The following GRID1 variants were observed in gnomAD, a reference collection of about 807,000 sequenced individuals.
GRID1 encodes the protein glutamate receptor ionotropic, delta-1.
GRID1 carries 28 observed loss-of-function variants against 98.0 expected under a neutral mutation model. The ratio of observed to expected loss-of-function variants is 0.29; its 90% CI spans 0.21 to 0.39. The LOEUF is 0.39. Ranked by LOEUF, GRID1 falls within the 10% of genes least tolerant of loss-of-function variation. The pLI is 1.00. For missense variants in GRID1, 1,111 were observed against 1,340.5 expected, an observed-to-expected ratio of 0.83 and a Z score of 2.67; for synonymous variants, 553 against 538.5, an observed-to-expected ratio of 1.03 and a Z score of -0.37.
intron 3 of GRID1, among the ~76,000 whole-genome samples, chr10:86,179,861 T>TCC (rs964869749): frequency 6.6e-6 from 1 of 152,036 alleles, no homozygotes; most frequent in Admixed American, 6.6e-5. Flanking sequence ...AAGCCCATCT[T>TCC]CCCCCGTAAA....
At chr10:85,827,310 C>T (rs1842828705) in intron 8 of GRID1, among the ~76,000 whole-genome samples, 1 of 152,030 alleles carries the variant, frequency 6.6e-6, no homozygotes. Context: ...CTAAAAAACT[C>T]ACTTTGAGAA....
chr10:85,786,163 A>T (rs918142185), intron 8 of GRID1, among the ~76,000 whole-genome samples: 8 of 152,230 alleles, frequency 5.3e-5, no homozygotes, highest in Non-Finnish European at 1.5e-5. Flanking sequence ...TTACAGAGGC[A>T]GTGAGACCTG....
chr10:85,603,692 ATGAGCTTCCCGG>A (rs1309868709), intron 15 of GRID1, among the ~76,000 whole-genome samples: 7 of 152,290 alleles, frequency 4.6e-5, no homozygotes, highest in African/African-American at 1.7e-4. Flanking sequence ...GAGGAGCCAT[ATGAGCTTCCCGG>A]TGAGGTTGAG....
intron 2 of GRID1, among the ~76,000 whole-genome samples, chr10:86,351,037 C>T (rs1848454935): frequency 6.6e-6 from 1 of 152,208 alleles, no homozygotes; most frequent in African/African-American, 2.4e-5. Context: ...TGAGAACATG[C>T]AGATGCCTCT....
At chr10:85,755,573 G>C (rs1842088718) in intron 8 of GRID1, among the ~76,000 whole-genome samples, 1 of 152,176 alleles carries the variant, frequency 6.6e-6, no homozygotes, top group Admixed American at 6.5e-5. Flanking sequence ...TGAAAGGTAA[G>C]AGCATCAAAT....
intron 12 of GRID1, among the ~76,000 whole-genome samples, chr10:85,655,235 C>G (rs1840881768): frequency 6.6e-6 from 1 of 152,146 alleles, no homozygotes; most frequent in African/African-American, 2.4e-5. Flanking sequence ...TAAAACCTAC[C>G]CACCCTGAAG....
chr10:85,908,632 C>G (rs1841494313), intron 5 of GRID1, among the ~76,000 whole-genome samples: 1 of 152,178 alleles, frequency 6.6e-6, no homozygotes, highest in African/African-American at 2.4e-5. Context: ...TACAGATTCA[C>G]TGCAATCCCA....
chr10:85,795,222 G>A (rs757936227), intron 8 of GRID1, among the ~76,000 whole-genome samples: 10 of 152,124 alleles, frequency 6.6e-5, no homozygotes, highest in Non-Finnish European at 1.3e-4. Context: ...TTCTTTGCTT[G>A]TTCTTGAAAT....
At chr10:86,018,563 C>T (rs930416672) in intron 4 of GRID1, among the ~76,000 whole-genome samples, 11 of 152,350 alleles carry the variant, frequency 7.2e-5, no homozygotes, top group African/African-American at 2.6e-4. Flanking sequence ...CAAGAGCAAA[C>T]AGCTGGCTTT....
chr10:85,876,721 G>A lies in GRID1; in HGVS notation c.781-7541C>T, dbSNP rs149513454. On this transcript the variant is annotated intron_variant, in intron 5 of 15. Coordinates refer to ENST00000327946, the MANE Select transcript of GRID1 (RefSeq NM_017551.3). ...TTTCTGCATTTCCATCTGGGGTACC[G>A]GGTTCATCTCACTAGGGAGTGCCAG... Among the ~76,000 whole-genome samples, 833 of 152,312 alleles carry A rather than the reference G, an allele frequency of 5.5e-3. 36 individuals carry two copies. In the East Asian group the frequency reaches 0.11, roughly 19 times the overall value.
intron 2 of GRID1, among the ~76,000 whole-genome samples, chr10:86,232,225 G>A (rs577659892): frequency 9.2e-5 from 14 of 152,296 alleles, no homozygotes; most frequent in South Asian, 2.1e-4. Flanking sequence ...TAACGCAGCC[G>A]TTGTATTAGG....
intron 3 of GRID1, among the ~76,000 whole-genome samples, chr10:86,161,339 G>C (rs2131986556): frequency 6.6e-6 from 1 of 152,254 alleles, no homozygotes; most frequent in African/African-American, 2.4e-5. Flanking sequence ...AGGGAAGACA[G>C]GGCACTTGGA....
At chr10:85,731,770 C>A (rs1841825860) in intron 8 of GRID1, among the ~76,000 whole-genome samples, 1 of 145,170 alleles carries the variant, frequency 6.9e-6, no homozygotes, top group African/African-American at 2.6e-5. Context: ...CCACTGCACT[C>A]CAGCCTGGGC....
intron 4 of GRID1, among the ~76,000 whole-genome samples, chr10:86,002,189 G>T (rs1589331832): frequency 6.6e-6 from 1 of 152,192 alleles, no homozygotes; most frequent in East Asian, 1.9e-4. Context: ...CAGGGGTTAA[G>T]TCTTCAACAC....
rs1842582829 is a variant in GRID1, at chr10:85,602,075, G to A, written c.*198C>T. On this transcript the variant is annotated 3_prime_UTR_variant, in exon 16 of 16. Coordinates refer to ENST00000327946, the MANE Select transcript of GRID1 (RefSeq NM_017551.3). ...GTTTTTGTGTTTTTTTACTGACTTC[G>A]AAAATTGGGAATATTCAAAATACAC... The A allele has an allele frequency of 2.0e-5, 9 of 445,092 alleles. No individual in the cohort carries two copies. Among genetic ancestry groups the A allele is most frequent in the East Asian group, 6.4e-5 (2 of 31,258 alleles). 27.6% of individuals were successfully genotyped at this position (445,092 alleles called of 1,614,324 possible). A position where few individuals can be genotyped will look rare whatever the true frequency, so the allele number is the denominator to read the frequency against.
chr10:85,903,694 G>A (rs972252199), intron 5 of GRID1, among the ~76,000 whole-genome samples: 1 of 152,106 alleles, frequency 6.6e-6, no homozygotes, highest in African/African-American at 2.4e-5. Context: ...CTCCTGCCAT[G>A]CCTCTAACCC....
At chr10:85,730,553 C>A (rs1056402061) in intron 8 of GRID1, among the ~76,000 whole-genome samples, 11 of 152,178 alleles carry the variant, frequency 7.2e-5, no homozygotes, top group African/African-American at 2.2e-4. Context: ...CCCTGCTCTT[C>A]TAGGTCACTG....
intron 5 of GRID1, among the ~76,000 whole-genome samples, chr10:85,912,547 A>G (rs569707987): frequency 1.3e-5 from 2 of 152,268 alleles, no homozygotes; most frequent in Non-Finnish European, 2.9e-5. Flanking sequence ...AATCAAATAC[A>G]GAGGAGGAAA....
chr10:86,170,604 A>G (rs1401622414), intron 3 of GRID1, among the ~76,000 whole-genome samples: 2 of 152,230 alleles, frequency 1.3e-5, no homozygotes, highest in African/African-American at 4.8e-5. Context: ...GAAGCATTGC[A>G]GAGAGCCTGC....
Sources: allele counts gnomAD v4.1 joint callset (sites outside exome capture counted in the v4.1 genomes callset), GRCh38; gene constraint gnomAD v4.1.1; transcripts MANE v1.5; gene names NCBI Gene and HGNC (gene_info 2026-07-23, HGNC 2026-07-21).